Variants in PAPLN observed in about 807,000 individuals in gnomAD.
PAPLN encodes papilin, proteoglycan like sulfated glycoprotein.
A neutral mutation model predicts 159.0 loss-of-function variants in PAPLN; 146 were observed. The ratio of observed to expected loss-of-function variants is 0.92; its 90% CI spans 0.80 to 1.05. The LOEUF (loss-of-function observed/expected upper bound fraction) is 1.05. PAPLN is among the 50% of genes least tolerant of loss of function. The pLI, the probability that PAPLN is intolerant of heterozygous loss-of-function variation, is 0.00. For missense variants in PAPLN, 1,720 were observed against 1,743.9 expected, an observed-to-expected ratio of 0.99 and a Z score of 0.24; for synonymous variants, 734 against 702.9, an observed-to-expected ratio of 1.04 and a Z score of -0.70.
At chr14:73,248,439 A>G (rs1336345045) in intron 5 of PAPLN, among the ~76,000 whole-genome samples, 2 of 152,210 alleles carry the variant, frequency 1.3e-5, no homozygotes, top group African/African-American at 4.8e-5. Flanking sequence ...GATACCTTCC[A>G]TGGTATGGAG....
intron 5 of PAPLN, among the ~76,000 whole-genome samples, chr14:73,249,160 C>T (rs888732817): frequency 2.6e-5 from 4 of 152,062 alleles, no homozygotes; most frequent in Admixed American, 1.3e-4. Context: ...AAAAGTTATC[C>T]TCATCCTGCC....
chr14:73,253,273 C>T (rs1194528820), intron 11 of PAPLN: 1 of 1,349,204 alleles, frequency 7.4e-7, no homozygotes, highest in Non-Finnish European at 9.8e-7. Context: ...GCCACCCTGT[C>T]ACCGCTTGGC....
At chr14:73,244,353 A>AGG in intron 2 of PAPLN, 1 of 328,686 alleles carries the variant, frequency 3.0e-6, no homozygotes, top group South Asian at 3.7e-5. Flanking sequence ...CCCTGGCTGT[A>AGG]GGGTCCCTCC....
intron 12 of PAPLN, 73 bp downstream of exon 12, chr14:73,254,034 C>T (rs1885611716): frequency 5.4e-6 from 8 of 1,486,690 alleles, no homozygotes; most frequent in Non-Finnish European, 7.2e-6. Flanking sequence ...GTCTTGTTCT[C>T]TGCTGTGGAA....
chr14:73,261,639 C>T (rs1397739812), intron 18 of PAPLN, among the ~76,000 whole-genome samples: 2 of 152,180 alleles, frequency 1.3e-5, no homozygotes, highest in Non-Finnish European at 2.9e-5. Context: ...GTGCCCTGAC[C>T]CTGCCTGGAA....
In PAPLN at chr14:73,260,751, C is replaced by T; in HGVS notation, c.2028C>T (p.Pro676=). Reference sequence around the variant, plus strand: ...ACAGGGTATCTGTCGCTGAGGGGCCCCATCACGCTGGCTGCACAAAGTCGT... The same window carrying T: ...ACAGGGTATCTGTCGCTGAGGGGCCTCATCACGCTGGCTGCACAAAGTCGT... ...CPDRVSVAEG[P]HHAGCTKSYG... is the part of the protein sequence containing the mutation. The change falls in exon 17 of 27, where the codon CCC becomes CCT. Residue 676 remains proline, a synonymous_variant. Transcript: ENST00000644200. 2 of 1,475,618 alleles carry T rather than the reference C, an allele frequency of 1.4e-6. No homozygotes were observed. The highest frequency in any genetic ancestry group is 1.4e-5 in the African/African-American group (1 of 69,286). The allele number at this position is 1,475,618 out of a possible 1,614,324, so 91.4% of individuals were successfully genotyped here.
chr14:73,259,228 C>T (rs1410478902), intron 15 of PAPLN, 41 bp from the exon 16 acceptor site: 1 of 1,527,868 alleles, frequency 6.5e-7, no homozygotes, highest in Non-Finnish European at 8.8e-7. Context: ...AGGGGAGGAG[C>T]CAGGTGGACG....
At position 73,272,557 on chromosome 14, in the gene PAPLN, T is replaced by G; in HGVS notation, c.3730T>G (p.Cys1244Gly). Reference protein sequence around the residue: ...DCVDQPELANCDLILQAQLCG... With the variant: ...DCVDQPELANGDLILQAQLCG... ...CGTCGACCAGCCAGAGCTGGCCAAC[T>G]GTGATTTGATCCTGCAGGCCCAGCT... Residue 1244 changes from cysteine to glycine, a missense_variant, in exon 27 of 27, where the codon TGT becomes GGT. Physicochemically the swap from Cys to Gly is radical, Grantham distance 159. Transcript: ENST00000644200. The G allele has an allele frequency of 6.2e-7, 1 of 1,600,986 alleles. No homozygotes were observed. Among genetic ancestry groups the G allele is most frequent in the South Asian group, 1.1e-5 (1 of 90,566 alleles).
chr14:73,266,855 C>T (rs1257538344), intron 25 of PAPLN, 24 bp downstream of exon 25: 3 of 1,586,540 alleles, frequency 1.9e-6, no homozygotes, highest in Middle Eastern at 1.7e-4. Flanking sequence ...TCCAAGTTGT[C>T]CCTGTCCCCA....
rs374738170 is a variant in PAPLN at position 73,266,514 on chromosome 14, C to G, written c.3277C>G (p.Pro1093Ala). The G allele has an allele frequency of 6.2e-7, 1 of 1,613,912 alleles. No homozygotes were observed. Among genetic ancestry groups the G allele is most frequent in the African/African-American group, 1.3e-5 (1 of 74,922 alleles). Residue 1093 changes from proline to alanine, a missense_variant, in exon 24 of 27, where the codon CCT (proline) becomes GCT (alanine). Transcript: ENST00000644200. Reference protein sequence around the residue: ...PVSSPRHQLQPDGSLVISRVA... With the variant: ...PVSSPRHQLQADGSLVISRVA... The stretch of plus-strand genomic sequence containing the variant: ...CTTGGTCCCCAGACACCAGCTGCAG[C>G]CTGATGGCTCCCTGGTCATTAGCCG...
At chr14:73,255,341 C>T (rs1197544612) in intron 14 of PAPLN, among the ~76,000 whole-genome samples, 1 of 152,176 alleles carries the variant, frequency 6.6e-6, no homozygotes, top group Non-Finnish European at 1.5e-5. Context: ...GTCAGACCTA[C>T]CCACTATAAG....
In PAPLN at chr14:73,268,771, T is replaced by C. The variant is rs1011220123; in HGVS notation, c.3667+48T>C. On this transcript the variant is annotated intron_variant, in intron 26 of 26. Transcript: ENST00000644200. ...GATGGGAAGGACATTCCCCAGTAGA[T>C]TTACTGGTTCTCAAGGGCTGGCTCT... 8 of 1,528,578 alleles carry C rather than the reference T, an allele frequency of 5.2e-6. No homozygotes were observed. In the African/African-American group the frequency reaches 8.3e-5, roughly 16 times the overall value. 94.7% of individuals were successfully genotyped at this position (1,528,578 alleles called of 1,614,324 possible). A position where few individuals can be genotyped will look rare whatever the true frequency, so the allele number is the denominator to read the frequency against.
Position 73,259,027 on chromosome 14 carries a change from T to C in PAPLN, c.1676T>C (p.Met559Thr), listed in dbSNP as rs762152589. 1 of 1,612,060 alleles carries C rather than the reference T, an allele frequency of 6.2e-7. No individual in the cohort carries two copies. The highest frequency in any genetic ancestry group is 1.1e-5 in the South Asian group (1 of 90,768). Residue 559 changes from methionine to threonine, a missense_variant, in exon 15 of 27, where the codon ATG becomes ACG. Coordinates refer to ENST00000644200, the MANE Select transcript of PAPLN (RefSeq NM_001365906.3). ...CACACCCCTGCCAGCAACCCCTGGATGCCGTTGGGCCCTCAGGAGTCCCCT... is the reference window on the plus strand; with the variant it reads ...CACACCCCTGCCAGCAACCCCTGGACGCCGTTGGGCCCTCAGGAGTCCCCT... The part of the protein sequence containing the change: ...DVHTPASNPW[M>T]PLGPQESPAS...
chr14:73,262,724 G>C lies in PAPLN; in HGVS notation c.2620G>C (p.Ala874Pro). Residue 874 changes from alanine (A) to proline (P), a missense_variant, in exon 19 of 27, where the codon GCC (alanine) becomes CCC (proline). By Grantham distance (27) the Ala-to-Pro change is conservative. Transcript: ENST00000644200. The stretch of plus-strand genomic sequence containing the variant: ...GCCAGGGGAGGCCCCCCACACCCAG[G>C]CCTTTGGAGAATGGCCATGGGGGCA... ...PGPGEAPHTQ[A>P]FGEWPWGQEL... 6.6e-7 allele frequency: 1 copy of C among 1,510,838 alleles called. No homozygotes were observed. The highest frequency in any genetic ancestry group is 1.4e-5 in the African/African-American group (1 of 71,752). 93.6% of individuals were successfully genotyped at this position (1,510,838 alleles called of 1,614,324 possible).
At chr14:73,267,215 G>A (rs1205768656) in intron 25 of PAPLN, among the ~76,000 whole-genome samples, 1 of 152,184 alleles carries the variant, frequency 6.6e-6, no homozygotes, top group African/African-American at 2.4e-5. Flanking sequence ...ACTGCCAAAT[G>A]TCCCCTGGTG....
At chr14:73,253,267 C>A in intron 11 of PAPLN, 2 of 1,351,994 alleles carry the variant, frequency 1.5e-6, no homozygotes, top group Non-Finnish European at 2.0e-6. Flanking sequence ...GCTGGTGCCA[C>A]CCTGTCACCG....
Position 73,261,089 on chromosome 14 carries a change from G to C in PAPLN, c.2107-67G>C, listed in dbSNP as rs1886522730. The C allele has an allele frequency of 2.5e-6, 4 of 1,612,160 alleles. No homozygotes were observed. In the East Asian group the frequency reaches 8.9e-5, roughly 36 times the overall value. Reference sequence around the variant, plus strand: ...CCTCCTTCCTGCCATCCTCCCCGTGGCAGCCCAGAGTCCCCAACAATGGCC... The same window carrying C: ...CCTCCTTCCTGCCATCCTCCCCGTGCCAGCCCAGAGTCCCCAACAATGGCC... On this transcript the variant is annotated intron_variant, in intron 17 of 26. Transcript: ENST00000644200.
At chr14:73,250,791 C>G in intron 6 of PAPLN, 116 bp from the exon 7 acceptor site, 5 of 1,293,012 alleles carry the variant, frequency 3.9e-6, no homozygotes, top group Non-Finnish European at 5.0e-6. Context: ...CTGAATCACT[C>G]CCGACCACCC....
chr14:73,237,755 G>T (rs751046052), intron 1 of PAPLN, among the ~76,000 whole-genome samples, 163 bp downstream of exon 1: 101 of 152,286 alleles, frequency 6.6e-4, no homozygotes, highest in Non-Finnish European at 1.3e-3. Flanking sequence ...TCCGGAGGTG[G>T]GCGCAGGGTC....
Sources: allele counts gnomAD v4.1 joint callset (sites outside exome capture counted in the v4.1 genomes callset), GRCh38; gene constraint gnomAD v4.1.1; transcripts MANE v1.5; gene names NCBI Gene and HGNC (gene_info 2026-07-23, HGNC 2026-07-21).